Variants in CIAO2A observed in about 807,000 individuals in gnomAD.
CIAO2A encodes MIP18 family protein FAM96A.
CIAO2A carries 17 observed loss-of-function variants against 22.4 expected under a neutral mutation model. The ratio of observed to expected loss-of-function variants is 0.76; its 90% CI spans 0.52 to 1.14. The LOEUF (loss-of-function observed/expected upper bound fraction) is 1.14. Among genes scored for constraint, CIAO2A ranks in the 50% most tolerant of loss-of-function variants. CIAO2A has a pLI of 0.00. For synonymous variants in CIAO2A, 74 were observed against 72.3 expected (o/e 1.02, Z -0.12); for missense variants, 192 against 191.4 (o/e 1.00, Z -0.02).
At chr15:64,074,301 T>G (rs999749458) in intron 4 of CIAO2A, 1 of 152,220 alleles carries the variant, frequency 6.6e-6, no homozygotes, top group Non-Finnish European at 1.5e-5. Flanking sequence ...GAAAATACTT[T>G]CAATTTGGTT....
chr15:64,078,502 G>C (rs917070621), intron 3 of CIAO2A, among the ~76,000 whole-genome samples: 1 of 152,144 alleles, frequency 6.6e-6, no homozygotes. Context: ...TGGGTGTGGT[G>C]GTATGCGCCT....
intron 2 of CIAO2A, among the ~76,000 whole-genome samples, chr15:64,085,390 C>A (rs1308779260): frequency 1.3e-5 from 2 of 152,200 alleles, no homozygotes; most frequent in East Asian, 1.9e-4. Flanking sequence ...TCTAACTTTT[C>A]AGGAGACTGA....
intron 2 of CIAO2A, among the ~76,000 whole-genome samples, chr15:64,081,828 C>T (rs990362318): frequency 6.6e-6 from 1 of 151,782 alleles, no homozygotes; most frequent in African/African-American, 2.4e-5. Context: ...CATGAGCCAC[C>T]CCACCCGGCC....
rs1343801507 is a variant in CIAO2A at position 64,093,665 on chromosome 15, T to C, written c.104A>G (p.Glu35Gly). ...GAARQPRIMEEKALEVYDLIR... is the reference protein window; with the variant it reads ...GAARQPRIMEGKALEVYDLIR... Reference sequence around the variant, plus strand: ...ATTACCATAAACTTCTAGCGCTTTCTCTTCCATGATCCGGGGCTGCCGGGC... The same window carrying C: ...ATTACCATAAACTTCTAGCGCTTTCCCTTCCATGATCCGGGGCTGCCGGGC... The change falls in exon 1 of 5, where the codon GAG becomes GGG. Residue 35 changes from glutamate to glycine, a missense_variant. Physicochemically the swap from Glu to Gly is moderately conservative, Grantham distance 98. Coordinates refer to ENST00000300030, the MANE Select transcript of CIAO2A (RefSeq NM_032231.7). 1.9e-6 allele frequency: 3 copies of C among 1,613,802 alleles called. No individual in the cohort carries two copies. Among genetic ancestry groups the C allele is most frequent in the African/African-American group, 2.7e-5 (2 of 74,910 alleles).
intron 1 of CIAO2A, chr15:64,090,203 C>T (rs543046370): frequency 4.0e-4 from 66 of 166,016 alleles, no homozygotes; most frequent in Non-Finnish European, 8.0e-4. Flanking sequence ...ATTACCCAGG[C>T]GTGGTGCCGG....
intron 4 of CIAO2A, chr15:64,074,724 T>C: frequency 6.6e-6 from 1 of 152,130 alleles, no homozygotes; most frequent in South Asian, 2.1e-4. Context: ...TGTAGGAGAT[T>C]TTGTGTGTCT....
At chr15:64,093,420 T>C (rs1165584619) in intron 1 of CIAO2A, among the ~76,000 whole-genome samples, 3 of 151,502 alleles carry the variant, frequency 2.0e-5, no homozygotes, top group African/African-American at 7.3e-5. Flanking sequence ...GCCCCAGGTT[T>C]ACGAAGAGCC....
rs1219696887 is a variant in CIAO2A, at chr15:64,072,678, A to G, written c.*253T>C. On this transcript the variant is annotated 3_prime_UTR_variant, in exon 5 of 5. Coordinates refer to ENST00000300030, the MANE Select transcript of CIAO2A (RefSeq NM_032231.7). ...GTATCAGAATGAGCATCAGAAAAAT[A>G]GCAACTCATCTTGCACATAATAACT... 6.5e-6 allele frequency: 2 copies of G among 307,886 alleles called. No homozygotes were observed. Among genetic ancestry groups the G allele is most frequent in the Non-Finnish European group, 1.2e-5 (2 of 168,400 alleles). The allele number at this position is 307,886 out of a possible 1,614,324, so 19.1% of individuals were successfully genotyped here.
chr15:64,076,154 GT>G (rs1180074246), intron 3 of CIAO2A, among the ~76,000 whole-genome samples: 7 of 152,074 alleles, frequency 4.6e-5, no homozygotes, highest in African/African-American at 1.4e-4. Context: ...CATATGTGTG[GT>G]TTTACTTAAG....
intron 1 of CIAO2A, 105 bp downstream of exon 1, chr15:64,093,540 A>T (rs2080861714): frequency 1.5e-6 from 2 of 1,309,918 alleles, no homozygotes; most frequent in South Asian, 1.6e-5. Context: ...CAAACAAAAA[A>T]AAAGGTCTCC....
intron 3 of CIAO2A, among the ~76,000 whole-genome samples, chr15:64,079,914 T>C (rs1366094902): frequency 6.6e-6 from 1 of 152,240 alleles, no homozygotes; most frequent in Non-Finnish European, 1.5e-5. Context: ...CAATCATATC[T>C]GACAAGGGAC....
intron 2 of CIAO2A, among the ~76,000 whole-genome samples, chr15:64,087,603 T>A (rs368843620): frequency 6.6e-6 from 1 of 152,236 alleles, no homozygotes; most frequent in African/African-American, 2.4e-5. Flanking sequence ...GTGGCCTATA[T>A]GGTGGAAACC....
chr15:64,081,233 T>A, intron 2 of CIAO2A, 82 bp from the exon 3 acceptor site: 2 of 1,343,386 alleles, frequency 1.5e-6, no homozygotes, highest in South Asian at 1.2e-5. Flanking sequence ...TGCGTTTATG[T>A]GCCCCCATAC....
Position 64,088,673 on chromosome 15 carries a change from A to G in CIAO2A, c.289+14T>C. ...AATTTATATAAATATACATGTATGT[A>G]CAGAAAAACTTACCAATAAGAGTCG... On this transcript the variant is annotated intron_variant, in intron 2 of 4. Transcript: ENST00000300030. 6.3e-7 allele frequency: 1 copy of G among 1,594,194 alleles called. No homozygotes were observed. Among genetic ancestry groups the G allele is most frequent in the Non-Finnish European group, 8.5e-7 (1 of 1,170,584 alleles).
intron 3 of CIAO2A, among the ~76,000 whole-genome samples, chr15:64,075,970 C>G (rs1341653835): frequency 6.6e-6 from 1 of 151,794 alleles, no homozygotes; most frequent in Non-Finnish European, 1.5e-5. Context: ...CCCCCAAATC[C>G]TGTTTCTAAC....
At chr15:64,088,946 T>C (rs1043749489) in intron 1 of CIAO2A, 95 bp from the exon 2 acceptor site, 29 of 1,208,206 alleles carry the variant, frequency 2.4e-5, no homozygotes, top group Non-Finnish European at 3.3e-5. Flanking sequence ...TGACTTCTCT[T>C]ACGTTTAAGC....
chr15:64,082,913 T>C (rs1019241618), intron 2 of CIAO2A, among the ~76,000 whole-genome samples: 20 of 152,128 alleles, frequency 1.3e-4, no homozygotes, highest in Admixed American at 1.1e-3. Flanking sequence ...ACAGGCATTA[T>C]AGTATCAGCT....
intron 2 of CIAO2A, among the ~76,000 whole-genome samples, chr15:64,085,996 C>T (rs578188351): frequency 1.7e-4 from 26 of 152,062 alleles, no homozygotes; most frequent in African/African-American, 6.3e-4. Context: ...GAGTGAGCCA[C>T]TGCACCCAGT....
chr15:64,082,378 G>A (rs920945739), intron 2 of CIAO2A, among the ~76,000 whole-genome samples: 17 of 151,986 alleles, frequency 1.1e-4, no homozygotes, highest in African/African-American at 4.1e-4. Context: ...ACAGAAGCAC[G>A]CTACCACACC....
Sources: gnomAD v4.1 joint callset for allele counts (sites outside exome capture counted in the v4.1 genomes callset) on GRCh38, gnomAD v4.1.1 for gene constraint, MANE v1.5 for transcripts, NCBI Gene and HGNC (gene_info 2026-07-23, HGNC 2026-07-21) for gene names.